The following PSME4 variants were observed in gnomAD, a reference collection of about 807,000 sequenced individuals.
PSME4 encodes proteasome activator subunit 4, also known as proteasome activator complex subunit 4.
PSME4 carries 89 observed loss-of-function variants against 253.9 expected under a neutral mutation model. The ratio of observed to expected loss-of-function variants is 0.35; its 90% CI spans 0.30 to 0.42. The LOEUF (loss-of-function observed/expected upper bound fraction) is 0.42. PSME4 is among the 10% of genes least tolerant of loss of function. The pLI, the probability that PSME4 is intolerant of heterozygous loss-of-function variation, is 1.00. For synonymous variants in PSME4, 851 were observed against 759.2 expected (o/e 1.12, Z -1.99); for missense variants, 2,014 against 2,195.2 (o/e 0.92, Z 1.65).
rs1345403003 is a variant in PSME4, at chr2:53,923,239, A to T, written c.1908+82T>A. 9.4e-6 allele frequency: 14 copies of T among 1,486,300 alleles called. No homozygotes were observed. In the African/African-American group the frequency reaches 1.6e-4, roughly 17 times the overall value. The allele number at this position is 1,486,300 out of a possible 1,614,324, so 92.1% of individuals were successfully genotyped here. On this transcript the variant is annotated intron_variant, in intron 15 of 46. Coordinates refer to ENST00000404125, the MANE Select transcript of PSME4 (RefSeq NM_014614.3). ...ACTGAAAGAACTATGCATTTTAAGCATAGAAGCACCTCTAATAATTAACCA... is the reference window on the plus strand; with the variant it reads ...ACTGAAAGAACTATGCATTTTAAGCTTAGAAGCACCTCTAATAATTAACCA...
At chr2:53,868,672 C>T (rs1301374418) in intron 44 of PSME4, among the ~76,000 whole-genome samples, 1 of 147,658 alleles carries the variant, frequency 6.8e-6, no homozygotes, top group Non-Finnish European at 1.5e-5. Context: ...TTATTGGATT[C>T]TGTTACTAGG....
At chr2:53,897,557 G>A (rs1680199541) in intron 31 of PSME4, among the ~76,000 whole-genome samples, 1 of 152,144 alleles carries the variant, frequency 6.6e-6, no homozygotes, top group African/African-American at 2.4e-5. Flanking sequence ...CACTTGGAGA[G>A]TAAAAAGCTA....
chr2:53,925,239 C>T (rs910656898), intron 14 of PSME4, among the ~76,000 whole-genome samples: 18 of 152,176 alleles, frequency 1.2e-4, no homozygotes, highest in East Asian at 9.6e-4. Flanking sequence ...GGATATAAGA[C>T]GGCAGAGTGC....
intron 1 of PSME4, among the ~76,000 whole-genome samples, chr2:53,962,152 T>C (rs1670521956): frequency 6.6e-6 from 1 of 152,228 alleles, no homozygotes; most frequent in African/African-American, 2.4e-5. Flanking sequence ...GATTTCTTCA[T>C]TATGGCTAGC....
In PSME4 at chr2:53,887,272, T is replaced by C; in HGVS notation, c.4716A>G (p.Lys1572=). Residue 1572 remains lysine (K), a synonymous_variant, in exon 40 of 47, where the codon AAA becomes AAG. Coordinates refer to ENST00000404125, the MANE Select transcript of PSME4 (RefSeq NM_014614.3). ...GEEDERTQGI[K]LLKTILKWLM... is the part of the protein sequence containing the mutation. ...TTATCCACTCACTGGTTTTCAAGAG[T>C]TTAATGCCCTGAGTTCGCTCATCTT... 1 of 1,613,084 alleles carries C rather than the reference T, an allele frequency of 6.2e-7. No homozygotes were observed. The highest frequency in any genetic ancestry group is 8.5e-7 in the Non-Finnish European group (1 of 1,179,184).
chr2:53,935,997 G>C, intron 7 of PSME4, 90 bp downstream of exon 7: 1 of 1,488,612 alleles, frequency 6.7e-7, no homozygotes, highest in Non-Finnish European at 9.0e-7. Flanking sequence ...GGGTTCAAGA[G>C]ATTCTCCTGC....
At chr2:53,940,959 A>T (rs55950732) in intron 3 of PSME4, among the ~76,000 whole-genome samples, 377 of 24,798 alleles carry the variant, frequency 0.015, 21 homozygotes, top group African/African-American at 0.055. Context: ...ATACATATAT[A>T]TATATATATA....
chr2:53,969,631 A>T (rs1670936277), intron 1 of PSME4, among the ~76,000 whole-genome samples: 1 of 152,120 alleles, frequency 6.6e-6, no homozygotes, highest in African/African-American at 2.4e-5. Flanking sequence ...GGACACAGTA[A>T]AGATGCCCAT....
chr2:53,874,968 C>T (rs1216637294), intron 42 of PSME4, among the ~76,000 whole-genome samples: 1 of 152,026 alleles, frequency 6.6e-6, no homozygotes, highest in African/African-American at 2.4e-5. Flanking sequence ...AAAACCCACA[C>T]AAAGGTAAAA....
rs1038908665 is a variant in PSME4 at position 53,875,003 on chromosome 2, G to A, written c.4945-509C>T. Reference sequence around the variant, plus strand: ...AGTCAATTTCACAAGAGACAGTCATGATTAATGGCTCCTAACTCCTCTGAG... The same window carrying A: ...AGTCAATTTCACAAGAGACAGTCATAATTAATGGCTCCTAACTCCTCTGAG... On this transcript the variant is annotated intron_variant, in intron 42 of 46. Transcript: ENST00000404125. Among the ~76,000 whole-genome samples, 9 of 152,190 alleles carry A rather than the reference G, an allele frequency of 5.9e-5. No individual in the cohort carries two copies. The South Asian group carries it at 1.2e-3, about 21-fold the overall frequency.
intron 4 of PSME4, among the ~76,000 whole-genome samples, chr2:53,937,977 A>C (rs1392431997): frequency 6.6e-6 from 1 of 151,352 alleles, no homozygotes; most frequent in African/African-American, 2.4e-5. Flanking sequence ...TGGGCAACAG[A>C]GTGAGACTCC....
At chr2:53,920,417 A>G (rs1322532383) in intron 18 of PSME4, 67 bp from the exon 19 acceptor site, 3 of 1,382,680 alleles carry the variant, frequency 2.2e-6, no homozygotes, top group Non-Finnish European at 2.9e-6. Flanking sequence ...ACCCACATAC[A>G]TATACACAAT....
At chr2:53,966,597 G>A (rs1181035761) in intron 1 of PSME4, among the ~76,000 whole-genome samples, 1 of 152,102 alleles carries the variant, frequency 6.6e-6, no homozygotes, top group Non-Finnish European at 1.5e-5. Context: ...TTGGAGGCAA[G>A]GCCAGATACA....
intron 37 of PSME4, among the ~76,000 whole-genome samples, chr2:53,889,544 T>A (rs1679802170): frequency 6.6e-6 from 1 of 152,156 alleles, no homozygotes; most frequent in East Asian, 1.9e-4. Flanking sequence ...CTCATGGATA[T>A]GGAGGGCTGA....
chr2:53,932,806 T>C (rs1668903821), intron 8 of PSME4, 46 bp from the exon 9 acceptor site: 1 of 1,477,304 alleles, frequency 6.8e-7, no homozygotes, highest in Admixed American at 1.7e-5. Context: ...CATCATACTG[T>C]AAAAACAGAG....
At chr2:53,942,445 T>C (rs1429348791) in intron 3 of PSME4, among the ~76,000 whole-genome samples, 1 of 152,032 alleles carries the variant, frequency 6.6e-6, no homozygotes, top group Non-Finnish European at 1.5e-5. Context: ...ATTTCCTCTT[T>C]AAAAAGATAC....
At chr2:53,929,804 G>A (rs143867525) in intron 10 of PSME4, among the ~76,000 whole-genome samples, 6,480 of 152,028 alleles carry the variant, frequency 0.043, 160 homozygotes, top group Non-Finnish European at 0.059. Flanking sequence ...GACTGCTTGA[G>A]GTCAGGAGTT....
Position 53,927,438 on chromosome 2 carries a change from C to T in PSME4, c.1549G>A (p.Val517Ile), listed in dbSNP as rs1261279367. ...TCTTGTAGTACAGATGAACAATCTA[C>T]TAAAGGCACCAGAGTAGAAAATGTT... is the stretch of plus-strand genomic sequence containing the variant. ...IATFSTLVPL[V>I]DCSSVLQERN... Residue 517 changes from valine (V) to isoleucine (I), a missense_variant, in exon 12 of 47, where the codon GTA (valine) becomes ATA (isoleucine). By Grantham distance (29) the Val-to-Ile change is conservative (BLOSUM62 3). This residue lies in a region of PSME4 where 989 missense variants were observed against 1,021.1 expected (regional missense o/e 0.97). Transcript: ENST00000404125. The T allele has an allele frequency of 1.3e-6, 2 of 1,598,340 alleles. No homozygotes were observed. Among genetic ancestry groups the T allele is most frequent in the Middle Eastern group, 1.7e-4 (1 of 6,034 alleles).
At chr2:53,960,173 G>A (rs1670417925) in intron 1 of PSME4, among the ~76,000 whole-genome samples, 1 of 152,142 alleles carries the variant, frequency 6.6e-6, no homozygotes, top group Non-Finnish European at 1.5e-5. Flanking sequence ...GCTGAGGCAG[G>A]TGGATCACTT....
Sources: gnomAD v4.1 joint callset for allele counts (sites outside exome capture counted in the v4.1 genomes callset) on GRCh38, gnomAD v4.1.1 for gene constraint, gnomAD v4.1.1 regional missense constraint, MANE v1.5 for transcripts, NCBI Gene and HGNC (gene_info 2026-07-23, HGNC 2026-07-21) for gene names.